The following MTOR variants were observed in gnomAD, a reference collection of about 807,000 sequenced individuals.
MTOR encodes the protein mechanistic target of rapamycin kinase.
A neutral mutation model predicts 319.8 loss-of-function variants in MTOR; 70 were observed. The observed-to-expected ratio is 0.22, with a 90% CI of 0.18 to 0.27. MTOR has a LOEUF of 0.27. Ranked by LOEUF, MTOR falls within the 10% of genes least tolerant of loss-of-function variation. The probability of loss-of-function intolerance (pLI) is 1.00; values close to 1 mark genes in which losing one functional copy is unlikely to be tolerated. For synonymous variants in MTOR, 1,183 were observed against 1,211.4 expected (o/e 0.98, Z 0.49); for missense variants, 1,890 against 3,274.4 (o/e 0.58, Z 10.32).
chr1:11,175,294 TG>T, intron 28 of MTOR, among the ~76,000 whole-genome samples: 1 of 152,260 alleles, frequency 6.6e-6, no homozygotes, highest in Non-Finnish European at 1.5e-5. Flanking sequence ...ATGGTGAATC[TG>T]GGTATCAGGG....
At chr1:11,241,454 T>A (rs995621497) in intron 10 of MTOR, 99 bp downstream of exon 10, 99 of 1,427,138 alleles carry the variant, frequency 6.9e-5, no homozygotes, top group Non-Finnish European at 9.0e-5. Flanking sequence ...TCCATCCAGT[T>A]GAATGTGCAA....
At chr1:11,178,344 GC>G (rs529683490) in intron 28 of MTOR, among the ~76,000 whole-genome samples, 5 of 152,272 alleles carry the variant, frequency 3.3e-5, no homozygotes, top group African/African-American at 1.2e-4. Context: ...AGAGAGAGGT[GC>G]ACAACCCCAG....
intron 28 of MTOR, among the ~76,000 whole-genome samples, chr1:11,186,255 G>A (rs1417212999): frequency 6.6e-6 from 1 of 151,994 alleles, no homozygotes. Context: ...GCTGAGAGTG[G>A]GCAGCAGTCT....
In MTOR at chr1:11,130,709, G is replaced by A. The variant is rs148320190; in HGVS notation, c.5433C>T (p.Arg1811=). The change falls in exon 39 of 58, where the codon CGC becomes CGT. Residue 1811 remains arginine, a synonymous_variant. Transcript: ENST00000361445. ...VLHYKHQNQA[R]DEKKKLRHAS... Reference sequence around the variant, plus strand: ...CATGACGCAGTTTCTTCTTCTCATCGCGGGCTTGGTTCTGATGTTTGTAGT... The same window carrying A: ...CATGACGCAGTTTCTTCTTCTCATCACGGGCTTGGTTCTGATGTTTGTAGT... 8 of 1,602,308 alleles carry A rather than the reference G, an allele frequency of 5.0e-6. No homozygotes were observed. Among genetic ancestry groups the A allele is most frequent in the Middle Eastern group, 1.7e-4 (1 of 6,056 alleles).
intron 26 of MTOR, among the ~76,000 whole-genome samples, chr1:11,204,079 T>C (rs1238769817): frequency 2.0e-5 from 3 of 152,216 alleles, no homozygotes; most frequent in Non-Finnish European, 4.4e-5. Flanking sequence ...AAGCCAGCCT[T>C]GAATGCGGAT....
chr1:11,205,519 T>C (rs1467018094), intron 25 of MTOR, among the ~76,000 whole-genome samples: 2 of 152,266 alleles, frequency 1.3e-5, no homozygotes, highest in African/African-American at 4.8e-5. Context: ...ATAACAGTGC[T>C]TGGCACAAAG....
At chr1:11,156,894 T>C (rs991942260) in intron 30 of MTOR, among the ~76,000 whole-genome samples, 1 of 152,176 alleles carries the variant, frequency 6.6e-6, no homozygotes, top group African/African-American at 2.4e-5. Flanking sequence ...ACAGGAGAAG[T>C]AGATCCCAGG....
intron 24 of MTOR, 95 bp downstream of exon 24, chr1:11,210,719 C>A (rs1646282360): frequency 6.0e-6 from 6 of 1,002,414 alleles, no homozygotes. Context: ...TAATTTACAG[C>A]CAAAAAGCTA....
intron 11 of MTOR, among the ~76,000 whole-genome samples, chr1:11,238,912 A>T (rs959698437): frequency 6.8e-6 from 1 of 146,364 alleles, no homozygotes; most frequent in African/African-American, 2.5e-5. Flanking sequence ...ACAGGTGCCT[A>T]CCACCACGCC....
Position 11,127,240 on chromosome 1 carries a change from C to A in MTOR, c.6217-96G>T, listed in dbSNP as rs2100404020. On this transcript the variant is annotated intron_variant, in intron 44 of 57. Coordinates refer to ENST00000361445, the MANE Select transcript of MTOR (RefSeq NM_004958.4). This position sits in a 1 kb window ranked among gnomAD's most constrained non-coding sequence, Gnocchi z 5.5. ...CTGACTGCAGATATTCCTCAGGAGC[C>A]CGCTGTGGCCTGAAAACACTGGCAG... 6.5e-7 allele frequency: 1 copy of A among 1,533,006 alleles called. No homozygotes were observed. The highest frequency in any genetic ancestry group is 1.2e-5 in the South Asian group (1 of 81,808). 95.0% of individuals were successfully genotyped at this position (1,533,006 alleles called of 1,614,324 possible).
chr1:11,199,195 G>C lies in MTOR; in HGVS notation c.4253+63C>G. The C allele has an allele frequency of 6.2e-7, 1 of 1,606,086 alleles. No individual in the cohort carries two copies. The highest frequency in any genetic ancestry group is 8.5e-7 in the Non-Finnish European group (1 of 1,173,088). On this transcript the variant is annotated intron_variant, in intron 28 of 57. Transcript: ENST00000361445. This position sits in a 1 kb window ranked among gnomAD's most constrained non-coding sequence, Gnocchi z 4.5. ...AAGTGACTCCAGTGAAGTGGCACCA[G>C]GCAGTGGGAGAAGAGAGGTCATTTT...
chr1:11,184,214 C>T (rs1009259305), intron 28 of MTOR, among the ~76,000 whole-genome samples: 2 of 152,118 alleles, frequency 1.3e-5, no homozygotes, highest in Admixed American at 1.3e-4. Flanking sequence ...ATCTCCATTT[C>T]ACAGGTTGGC....
At chr1:11,164,048 A>T (rs1644559326) in intron 29 of MTOR, among the ~76,000 whole-genome samples, 1 of 152,184 alleles carries the variant, frequency 6.6e-6, no homozygotes, top group Admixed American at 6.6e-5. Flanking sequence ...CAAGACTAAT[A>T]AAGAAGAAAA....
intron 25 of MTOR, among the ~76,000 whole-genome samples, chr1:11,207,966 T>C (rs564807174): frequency 6.6e-6 from 1 of 152,282 alleles, no homozygotes; most frequent in Admixed American, 6.5e-5. Flanking sequence ...AAGCAAAACT[T>C]CCTGGAAGCA....
chr1:11,225,176 T>C (rs1646789655), intron 19 of MTOR, among the ~76,000 whole-genome samples: 1 of 152,176 alleles, frequency 6.6e-6, no homozygotes, highest in South Asian at 2.1e-4. Context: ...AATTTTACGG[T>C]ATGTAAATTT....
chr1:11,249,375 GTC>G (rs1474980872), intron 6 of MTOR, among the ~76,000 whole-genome samples: 70 of 146,264 alleles, frequency 4.8e-4, no homozygotes, highest in Non-Finnish European at 2.2e-4. Flanking sequence ...TCACCAGTGA[GTC>G]TTTTTTTTTT....
chr1:11,205,320 A>G (rs961477786), intron 25 of MTOR, among the ~76,000 whole-genome samples: 2 of 152,232 alleles, frequency 1.3e-5, no homozygotes, highest in African/African-American at 4.8e-5. Flanking sequence ...GGAGAACAGT[A>G]TAGTGTAGTG....
At chr1:11,180,610 G>A (rs1645115923) in intron 28 of MTOR, among the ~76,000 whole-genome samples, 2 of 152,140 alleles carry the variant, frequency 1.3e-5, no homozygotes, top group South Asian at 4.1e-4. Flanking sequence ...GCTTGGTGGG[G>A]TGGACATGTG....
intron 33 of MTOR, 53 bp from the exon 34 acceptor site, chr1:11,144,808 G>C: frequency 6.4e-7 from 1 of 1,567,766 alleles, no homozygotes; most frequent in African/African-American, 1.3e-5. Flanking sequence ...CAATCCAAAA[G>C]ACAGGATTAA....
Sources: allele counts gnomAD v4.1 joint callset (sites outside exome capture counted in the v4.1 genomes callset), GRCh38; gene constraint gnomAD v4.1.1; non-coding constraint Gnocchi (gnomAD v3.1); transcripts MANE v1.5; gene names NCBI Gene and HGNC (gene_info 2026-07-23, HGNC 2026-07-21).